The following DDC variants were observed in gnomAD, a reference collection of about 807,000 sequenced individuals.
DDC encodes the protein aromatic-L-amino-acid decarboxylase.
Under a neutral mutation model 60.0 loss-of-function variants are expected in DDC, and 43 were observed. The ratio of observed to expected loss-of-function variants is 0.72; its 90% CI spans 0.56 to 0.92. DDC has a LOEUF of 0.92. Among genes scored for constraint, DDC ranks in the 40% least tolerant of loss-of-function variants. The pLI is 0.00. For missense variants in DDC, 573 were observed against 620.2 expected, an observed-to-expected ratio of 0.92 and a Z score of 0.81; for synonymous variants, 232 against 234.6, an observed-to-expected ratio of 0.99 and a Z score of 0.10.
At chr7:50,501,046 G>A (rs949689524) in intron 7 of DDC, among the ~76,000 whole-genome samples, 4 of 152,192 alleles carry the variant, frequency 2.6e-5, no homozygotes, top group African/African-American at 9.7e-5. Flanking sequence ...CAGACACAGA[G>A]ACCCTCGGCC....
chr7:50,565,232 T>C (rs946865209), intron 1 of DDC, 53 bp downstream of exon 1: 1 of 152,234 alleles, frequency 6.6e-6, no homozygotes. Flanking sequence ...TCAAGGTACA[T>C]GTTGCTGTTT....
At chr7:50,511,798 A>G (rs2043589205) in intron 6 of DDC, among the ~76,000 whole-genome samples, 1 of 152,230 alleles carries the variant, frequency 6.6e-6, no homozygotes, top group South Asian at 2.1e-4. Flanking sequence ...GGAATTCTAT[A>G]AAATGCTCAG....
intron 6 of DDC, among the ~76,000 whole-genome samples, chr7:50,525,284 G>C (rs1384265514): frequency 6.6e-6 from 1 of 152,064 alleles, no homozygotes. Context: ...GTGGCTGCAT[G>C]AATCAACACT....
chr7:50,472,807 G>A (rs150110981), intron 11 of DDC, among the ~76,000 whole-genome samples: 2 of 152,210 alleles, frequency 1.3e-5, no homozygotes, highest in Admixed American at 6.5e-5. Context: ...ATCTACTGAC[G>A]GGGGATAGAA....
chr7:50,503,623 T>C (rs935074397), intron 7 of DDC, among the ~76,000 whole-genome samples: 7 of 152,224 alleles, frequency 4.6e-5, no homozygotes, highest in African/African-American at 1.7e-4. Flanking sequence ...AATTCAAGTG[T>C]GGACAATTCT....
At chr7:50,541,252 T>C (rs1438081176) in intron 2 of DDC, 1 of 152,276 alleles carries the variant, frequency 6.6e-6, no homozygotes, top group Non-Finnish European at 1.5e-5. Context: ...GGAACCCTGA[T>C]TTGCTGGGTT....
At chr7:50,549,048 C>T (rs1417747569) in intron 1 of DDC, among the ~76,000 whole-genome samples, 1 of 152,190 alleles carries the variant, frequency 6.6e-6, no homozygotes, top group East Asian at 1.9e-4. Context: ...GTATGGTTTA[C>T]TGAATATTTG....
chr7:50,520,211 A>G (rs574043638), intron 6 of DDC, among the ~76,000 whole-genome samples: 113 of 152,344 alleles, frequency 7.4e-4, no homozygotes, highest in African/African-American at 2.6e-3. Context: ...TCATCCAATG[A>G]CAGCAGAATA....
chr7:50,464,072 C>T (rs1177206201), intron 13 of DDC, among the ~76,000 whole-genome samples: 1 of 152,012 alleles, frequency 6.6e-6, no homozygotes, highest in African/African-American at 2.4e-5. Flanking sequence ...TGACACTTCA[C>T]CTCCATCTCC....
Position 50,543,868 on chromosome 7 carries a change from C to A in DDC, c.201+17G>T. 1 of 1,613,072 alleles carries A rather than the reference C, an allele frequency of 6.2e-7. No individual in the cohort carries two copies. The highest frequency in any genetic ancestry group is 8.5e-7 in the Non-Finnish European group (1 of 1,179,228). ...AGTTCTAGCCCTCCTGTTTTCTGAC[C>A]TTGGATACACACTTACCCCAGGCAT... On this transcript the variant is annotated intron_variant, in intron 2 of 14. Coordinates refer to ENST00000444124, the MANE Select transcript of DDC (RefSeq NM_001082971.2).
Position 50,463,199 on chromosome 7 carries a change from C to T in DDC, c.*18+14G>A, listed in dbSNP as rs1173001483. 1.9e-6 allele frequency: 3 copies of T among 1,578,144 alleles called. No individual in the cohort carries two copies. The highest frequency in any genetic ancestry group is 2.6e-6 in the Non-Finnish European group (3 of 1,161,866). ...ACAAGGAGACAGGCAGAAAATGAGCCCAGGGCAGCCTACCTGCAGCTGGCT... is the reference window on the plus strand; with the variant it reads ...ACAAGGAGACAGGCAGAAAATGAGCTCAGGGCAGCCTACCTGCAGCTGGCT... On this transcript the variant is annotated intron_variant, in intron 14 of 14. Transcript: ENST00000444124.
chr7:50,498,810 G>T (rs772987115), intron 8 of DDC, among the ~76,000 whole-genome samples: 1 of 152,130 alleles, frequency 6.6e-6, no homozygotes, highest in South Asian at 2.1e-4. Context: ...ATGGAATTGC[G>T]GGTTGGTATT....
intron 9 of DDC, among the ~76,000 whole-genome samples, chr7:50,488,991 TTTTC>T (rs1214226271): frequency 1.3e-5 from 2 of 150,452 alleles, no homozygotes; most frequent in Non-Finnish European, 3.0e-5. Flanking sequence ...AACTGAATGG[TTTTC>T]TTTGTTTGCT....
At chr7:50,463,842 A>G (rs1046875535) in intron 13 of DDC, among the ~76,000 whole-genome samples, 1 of 152,232 alleles carries the variant, frequency 6.6e-6, no homozygotes, top group Non-Finnish European at 1.5e-5. Context: ...AAAATGAAGC[A>G]TAACGGTCAA....
Position 50,463,204 on chromosome 7 carries a change from G to C in DDC, c.*18+9C>G, listed in dbSNP as rs959321055. On this transcript the variant is annotated intron_variant, in intron 14 of 14. Coordinates refer to ENST00000444124, the MANE Select transcript of DDC (RefSeq NM_001082971.2). ...GAGACAGGCAGAAAATGAGCCCAGG[G>C]CAGCCTACCTGCAGCTGGCTTCACT... The C allele has an allele frequency of 6.3e-7, 1 of 1,584,516 alleles. No individual in the cohort carries two copies. Among genetic ancestry groups the C allele is most frequent in the African/African-American group, 1.3e-5 (1 of 74,174 alleles).
At position 50,459,429 on chromosome 7, in the gene DDC, C is replaced by T. The variant is rs190191443; in HGVS notation, c.*19-586G>A. 1.1e-4 allele frequency among the ~76,000 whole-genome samples: 17 copies of T among 149,494 alleles called. No individual in the cohort carries two copies. In the East Asian group the frequency reaches 1.6e-3, roughly 14 times the overall value. ...CTGCCTGGCCGCCCATCGTCTGGGACGTGAGGAGCCCCTCTGCCTGGCTAC... is the reference window on the plus strand; with the variant it reads ...CTGCCTGGCCGCCCATCGTCTGGGATGTGAGGAGCCCCTCTGCCTGGCTAC... On this transcript the variant is annotated intron_variant, in intron 14 of 14. Transcript: ENST00000444124.
intron 13 of DDC, among the ~76,000 whole-genome samples, chr7:50,464,976 A>G (rs2042363131): frequency 6.6e-6 from 1 of 152,228 alleles, no homozygotes; most frequent in Non-Finnish European, 1.5e-5. Context: ...GGCACAAGCA[A>G]AGTTTTACAA....
intron 7 of DDC, among the ~76,000 whole-genome samples, chr7:50,500,620 G>A (rs573002079): frequency 1.3e-5 from 2 of 152,334 alleles, no homozygotes; most frequent in East Asian, 3.9e-4. Flanking sequence ...CAAGCACCAG[G>A]TGAGACTGAT....
At chr7:50,479,006 A>G (rs2042709319) in intron 10 of DDC, among the ~76,000 whole-genome samples, 2 of 152,236 alleles carry the variant, frequency 1.3e-5, no homozygotes, top group Non-Finnish European at 2.9e-5. Flanking sequence ...CCTCCTCACC[A>G]GCGTTGTGAC....
Sources: gnomAD v4.1 joint callset for allele counts (sites outside exome capture counted in the v4.1 genomes callset) on GRCh38, gnomAD v4.1.1 for gene constraint, MANE v1.5 for transcripts, NCBI Gene and HGNC (gene_info 2026-07-23, HGNC 2026-07-21) for gene names.